The following EPHB2 variants were observed in gnomAD, a reference collection of about 807,000 sequenced individuals.
EPHB2 encodes the protein ephrin type-B receptor 2.
Under a neutral mutation model 96.4 loss-of-function variants are expected in EPHB2, and 18 were observed. The ratio of observed to expected loss-of-function variants is 0.19; its 90% CI spans 0.13 to 0.28. The LOEUF (loss-of-function observed/expected upper bound fraction) is 0.28, where lower values mean the gene tolerates loss of function less well. EPHB2 is among the 10% of genes least tolerant of loss of function. The probability of loss-of-function intolerance (pLI) is 1.00; values close to 1 mark genes in which losing one functional copy is unlikely to be tolerated. For synonymous variants in EPHB2, 506 were observed against 534.1 expected (o/e 0.95, Z 0.72); for missense variants, 989 against 1,355.4 (o/e 0.73, Z 4.25).
intron 5 of EPHB2, among the ~76,000 whole-genome samples, chr1:22,873,626 A>G (rs891443170): frequency 2.0e-5 from 3 of 152,158 alleles, no homozygotes; most frequent in Non-Finnish European, 4.4e-5. Flanking sequence ...TCTTTTTCTC[A>G]TGTGTGAAGC....
At chr1:22,865,446 T>C (rs1192717659) in intron 5 of EPHB2, among the ~76,000 whole-genome samples, 1 of 152,222 alleles carries the variant, frequency 6.6e-6, no homozygotes, top group Non-Finnish European at 1.5e-5. Flanking sequence ...GTTAAGCTGC[T>C]GTAACAAAAA....
intron 1 of EPHB2, among the ~76,000 whole-genome samples, chr1:22,750,462 G>C (rs1047538412): frequency 1.3e-5 from 2 of 152,162 alleles, no homozygotes; most frequent in African/African-American, 4.8e-5. Flanking sequence ...GACGGAGCAG[G>C]CTCCAGGGGA....
At chr1:22,798,829 C>G (rs1479671481) in intron 3 of EPHB2, among the ~76,000 whole-genome samples, 1 of 152,058 alleles carries the variant, frequency 6.6e-6, no homozygotes, top group Non-Finnish European at 1.5e-5. Flanking sequence ...CAAAGGAGCT[C>G]AGAAGGCAGG....
rs376647308 is a variant in EPHB2, at chr1:22,909,024, C to G, written c.2355C>G (p.Gly785=). The G allele has an allele frequency of 6.2e-7, 1 of 1,614,122 alleles. No homozygotes were observed. The highest frequency in any genetic ancestry group is 2.2e-5 in the East Asian group (1 of 44,878). ...TSDPTYTSAL[G]GKIPIRWTAP... ...ACCCTCCTCTTTCTGTCTCCCAGGG[C>G]GGAAAGATCCCCATCCGCTGGACAG... Residue 785 remains glycine, a splice_region_variant and synonymous_variant, in exon 13 of 16, where the codon GGC becomes GGG. Coordinates refer to ENST00000374630, the MANE Select transcript of EPHB2 (RefSeq NM_017449.5).
At position 22,728,876 on chromosome 1, in the gene EPHB2, C is replaced by T. The variant is rs72653629; in HGVS notation, c.61+17833C>T. Reference sequence around the variant, plus strand: ...CCCTGAATTGGCCTCCTTGCAAATCCGCCTGCATGACAGCTCCCAGTGGCC... The same window carrying T: ...CCCTGAATTGGCCTCCTTGCAAATCTGCCTGCATGACAGCTCCCAGTGGCC... On this transcript the variant is annotated intron_variant, in intron 1 of 15. Coordinates refer to ENST00000374630, the MANE Select transcript of EPHB2 (RefSeq NM_017449.5). 9.8e-4 allele frequency among the ~76,000 whole-genome samples: 149 copies of T among 152,336 alleles called. 3 individuals carry two copies. In the East Asian group the frequency reaches 0.012, roughly 12 times the overall value.
chr1:22,783,628 G>A (rs1229633770), intron 2 of EPHB2, among the ~76,000 whole-genome samples: 1 of 152,220 alleles, frequency 6.6e-6, no homozygotes, highest in Non-Finnish European at 1.5e-5. Flanking sequence ...AGCCTGGTCC[G>A]TGAGTGTGAG....
At chr1:22,799,027 T>C (rs2148444558) in intron 3 of EPHB2, among the ~76,000 whole-genome samples, 1 of 152,216 alleles carries the variant, frequency 6.6e-6, no homozygotes, top group South Asian at 2.1e-4. Context: ...ACCTAATATG[T>C]GCGTGTGTCA....
At chr1:22,761,848 C>T (rs1197304432) in intron 1 of EPHB2, among the ~76,000 whole-genome samples, 7 of 152,166 alleles carry the variant, frequency 4.6e-5, no homozygotes. Flanking sequence ...ATGGGGAAAC[C>T]AAGGCCCAGG....
At chr1:22,882,787 C>T (rs1329757383) in intron 6 of EPHB2, 1 of 366,576 alleles carries the variant, frequency 2.7e-6, no homozygotes, top group African/African-American at 2.1e-5. Flanking sequence ...ATCTTGACCT[C>T]AGTGGCTTGA....
rs968150977 is a variant in EPHB2 at position 22,906,472 on chromosome 1, T to C, written c.1889-238T>C. Among the ~76,000 whole-genome samples, 10 of 152,136 alleles carry C rather than the reference T, an allele frequency of 6.6e-5. No individual in the cohort carries two copies. The highest frequency in any genetic ancestry group is 6.5e-5 in the Admixed American group (1 of 15,274). ...AGGTTCCCCTGCACCCTCACCCCCA[T>C]GCCCAGCCAGGGATAACCAGAGAAC... is the stretch of plus-strand genomic sequence containing the variant. On this transcript the variant is annotated intron_variant, in intron 10 of 15. Coordinates refer to ENST00000374630, the MANE Select transcript of EPHB2 (RefSeq NM_017449.5). This position sits in a 1 kb window ranked among gnomAD's most constrained non-coding sequence, Gnocchi z 4.8.
At chr1:22,819,250 T>TCTCTCTCTCTCTCTCTC (rs1645118734) in intron 3 of EPHB2, among the ~76,000 whole-genome samples, 8 of 145,590 alleles carry the variant, frequency 5.5e-5, no homozygotes, top group Admixed American at 6.9e-5. Context: ...TCTCTCTCTC[T>TCTCTCTCTCTCTCTCTC]GCTGGTCTTT....
intron 1 of EPHB2, among the ~76,000 whole-genome samples, chr1:22,717,839 G>T (rs958950347): frequency 6.6e-6 from 1 of 152,188 alleles, no homozygotes; most frequent in African/African-American, 2.4e-5. Flanking sequence ...TACAGGAAAT[G>T]TGTGTGGAGT....
chr1:22,770,082 AATAG>A (rs762278347), intron 1 of EPHB2, among the ~76,000 whole-genome samples: 31 of 152,186 alleles, frequency 2.0e-4, no homozygotes, highest in African/African-American at 5.3e-4. Flanking sequence ...TGATTTGACG[AATAG>A]ATGGATGGAT....
intron 1 of EPHB2, among the ~76,000 whole-genome samples, chr1:22,732,109 A>G (rs1643730362): frequency 1.3e-5 from 2 of 152,262 alleles, no homozygotes; most frequent in East Asian, 1.9e-4. Context: ...TGGGAGCACA[A>G]CCTTCCTGAG....
intron 6 of EPHB2, among the ~76,000 whole-genome samples, chr1:22,883,986 C>T (rs1639136692): frequency 6.6e-6 from 1 of 151,532 alleles, no homozygotes; most frequent in Admixed American, 6.6e-5. Context: ...ACCCACCCAC[C>T]TCACTGCCCA....
At chr1:22,774,427 G>T in intron 1 of EPHB2, 1 of 286,024 alleles carries the variant, frequency 3.5e-6, no homozygotes, top group Non-Finnish European at 5.2e-6. Context: ...GAGGAGTCAG[G>T]ACAGCTGCCA....
At chr1:22,754,689 G>A (rs1187778485) in intron 1 of EPHB2, among the ~76,000 whole-genome samples, 1 of 150,762 alleles carries the variant, frequency 6.6e-6, no homozygotes, top group African/African-American at 2.4e-5. Context: ...GGCTGTTCAT[G>A]GGGAGTTGCC....
chr1:22,903,851 G>T (rs1639824120), intron 9 of EPHB2, among the ~76,000 whole-genome samples: 1 of 151,986 alleles, frequency 6.6e-6, no homozygotes, highest in African/African-American at 2.4e-5. Context: ...AAAAAAACAT[G>T]TGTCCATTTC....
intron 1 of EPHB2, among the ~76,000 whole-genome samples, chr1:22,744,749 G>T (rs1643947790): frequency 6.6e-6 from 1 of 151,096 alleles, no homozygotes; most frequent in Non-Finnish European, 1.5e-5. Context: ...TCAGCTATTT[G>T]GGAGGCAGAG....
Sources: gnomAD v4.1 joint callset for allele counts (sites outside exome capture counted in the v4.1 genomes callset) on GRCh38, gnomAD v4.1.1 for gene constraint, Gnocchi (gnomAD v3.1) non-coding constraint, MANE v1.5 for transcripts, NCBI Gene and HGNC (gene_info 2026-07-23, HGNC 2026-07-21) for gene names.